Variants in MEIOB observed in about 807,000 individuals in gnomAD.
The protein encoded by MEIOB is meiosis-specific with OB domain-containing protein.
A neutral mutation model predicts 53.1 loss-of-function variants in MEIOB; 50 were observed. The observed-to-expected ratio is 0.94, with a 90% confidence interval of 0.75 to 1.19. The LOEUF is 1.19. Among genes scored for constraint, MEIOB ranks in the 50% most tolerant of loss-of-function variants. MEIOB has a pLI of 0.00. For missense variants in MEIOB, 551 were observed against 550.8 expected (o/e 1.00, Z 0.00); for synonymous variants, 192 against 182.5 (o/e 1.05, Z -0.42).
intron 10 of MEIOB, among the ~76,000 whole-genome samples, chr16:1,844,396 T>A (rs917859096): frequency 6.6e-6 from 1 of 151,756 alleles, no homozygotes; most frequent in African/African-American, 2.4e-5. Context: ...AGTGCTGGGA[T>A]TACAGGCGTG....
chr16:1,854,294 A>G (rs960118127), intron 6 of MEIOB, 94 bp from the exon 7 acceptor site: 3 of 703,388 alleles, frequency 4.3e-6, no homozygotes, highest in African/African-American at 3.6e-5. Flanking sequence ...CCTTTTAAAC[A>G]CCAAATTAGA....
At chr16:1,837,252 T>TA (rs754011708) in intron 13 of MEIOB, among the ~76,000 whole-genome samples, 2 of 150,004 alleles carry the variant, frequency 1.3e-5, no homozygotes, top group Non-Finnish European at 3.0e-5. Flanking sequence ...GGATTAGGAT[T>TA]CAGACCAAAT....
In MEIOB at chr16:1,865,768, A is replaced by G. The variant is rs1477961262; in HGVS notation, c.127+10T>C. On this transcript the variant is annotated intron_variant, in intron 3 of 13. Transcript: ENST00000325962. ...TGAAAAATGAAACCAAGAGTTAAAC[A>G]GAACTCAGCTTTTTCTGTCTGGAAA... 1 of 1,543,396 alleles carries G rather than the reference A, an allele frequency of 6.5e-7. No homozygotes were observed. The highest frequency in any genetic ancestry group is 2.0e-5 in the Admixed American group (1 of 49,454).
At position 1,862,131 on chromosome 16, in the gene MEIOB, A is replaced by T. The variant is rs1199352557; in HGVS notation, c.128-15T>A. ...TGATCCAATATCTAAGGGAAAACCA[A>T]TGCTTTTATTTTTCAAATGAAGAGT... On this transcript the variant is annotated splice_polypyrimidine_tract_variant and intron_variant, in intron 3 of 13. Coordinates refer to ENST00000325962, the MANE Select transcript of MEIOB (RefSeq NM_001163560.3). The T allele has an allele frequency of 7.1e-6, 11 of 1,545,602 alleles. No individual in the cohort carries two copies. Among genetic ancestry groups the T allele is most frequent in the Non-Finnish European group, 9.6e-6 (11 of 1,144,104 alleles).
intron 9 of MEIOB, among the ~76,000 whole-genome samples, chr16:1,850,814 G>A (rs1403214397): frequency 2.7e-5 from 4 of 147,276 alleles, no homozygotes; most frequent in East Asian, 4.2e-4. Context: ...CCAGCTACTC[G>A]GGAGGCTGAG....
intron 9 of MEIOB, among the ~76,000 whole-genome samples, chr16:1,846,751 G>A (rs1476991173): frequency 6.6e-6 from 1 of 152,076 alleles, no homozygotes; most frequent in African/African-American, 2.4e-5. Context: ...GCTGAACAAT[G>A]AGATAACATG....
chr16:1,859,424 A>G (rs895667246), intron 5 of MEIOB, among the ~76,000 whole-genome samples: 21 of 152,064 alleles, frequency 1.4e-4, no homozygotes, highest in African/African-American at 5.1e-4. Context: ...GCCTGTAATC[A>G]CAGCTACTTG....
intron 10 of MEIOB, chr16:1,843,530 C>A (rs1464752164): frequency 2.0e-5 from 3 of 151,774 alleles, no homozygotes; most frequent in Admixed American, 2.0e-4. Flanking sequence ...AAAACCCTGT[C>A]TCTACTAAAA....
chr16:1,866,484 G>T (rs1236238436), intron 2 of MEIOB, among the ~76,000 whole-genome samples: 1 of 152,128 alleles, frequency 6.6e-6, no homozygotes, highest in Non-Finnish European at 1.5e-5. Context: ...ACTCTGGGAG[G>T]CTGAGGCGGG....
chr16:1,853,076 T>G lies in MEIOB; in HGVS notation c.741A>C (p.Ala247=), dbSNP rs1246975983. ...TAATAATGGTTTTTGAGATTACAGT[T>G]GCTGTCATGCAGTTCCGAAATTTGT... is the stretch of plus-strand genomic sequence containing the variant. ...NFDKFRNCMT[A]TVISKTIITT... The change falls in exon 9 of 14, where the codon GCA becomes GCC. Residue 247 remains alanine (A), a synonymous_variant. Transcript: ENST00000325962. 6.2e-7 allele frequency: 1 copy of G among 1,612,838 alleles called. No homozygotes were observed. The highest frequency in any genetic ancestry group is 8.5e-7 in the Non-Finnish European group (1 of 1,179,178).
At chr16:1,870,113 C>T (rs1021384685) in intron 1 of MEIOB, among the ~76,000 whole-genome samples, 4 of 151,996 alleles carry the variant, frequency 2.6e-5, no homozygotes, top group African/African-American at 9.7e-5. Flanking sequence ...ACCTGATGAT[C>T]CACCCGCATC....
chr16:1,863,511 C>T (rs1161945543), intron 3 of MEIOB, among the ~76,000 whole-genome samples: 1 of 151,910 alleles, frequency 6.6e-6, no homozygotes, highest in Non-Finnish European at 1.5e-5. Flanking sequence ...CTCACCCTCC[C>T]AAGTAGCTGG....
In MEIOB at chr16:1,841,826, T is replaced by A. The variant is rs958574426; in HGVS notation, c.1028A>T (p.Asn343Ile). The A allele has an allele frequency of 6.4e-6, 10 of 1,572,722 alleles. No homozygotes were observed. Among genetic ancestry groups the A allele is most frequent in the Non-Finnish European group, 8.6e-6 (10 of 1,161,472 alleles). The change falls in exon 11 of 14, where the codon AAT becomes ATT. Residue 343 changes from asparagine (N) to isoleucine (I), a missense_variant. Asn to Ile is a moderately radical substitution (Grantham distance 149). Coordinates refer to ENST00000325962, the MANE Select transcript of MEIOB (RefSeq NM_001163560.3). ...IDDETTKVVR[N>I]RCSSCGYIVN... ...AAGTGACACGGATCCTTACCATCTA[T>A]TTCGAACTACTTTTGTAGTTTCATC...
chr16:1,839,626 A>C, intron 11 of MEIOB, 188 bp from the exon 12 acceptor site: 1 of 535,000 alleles, frequency 1.9e-6, no homozygotes, highest in Non-Finnish European at 3.2e-6. Flanking sequence ...AGCCATTCTC[A>C]GGAGTCATCT....
chr16:1,864,895 T>C (rs1026843950), intron 3 of MEIOB, among the ~76,000 whole-genome samples: 7 of 152,332 alleles, frequency 4.6e-5, no homozygotes, highest in Admixed American at 1.3e-4. Context: ...AAAGGAGATA[T>C]AGACTTCCTC....
At chr16:1,862,222 G>C in intron 3 of MEIOB, 106 bp from the exon 4 acceptor site, 1 of 830,396 alleles carries the variant, frequency 1.2e-6, no homozygotes, top group Non-Finnish European at 1.8e-6. Flanking sequence ...ATAAACAAAT[G>C]ATTATTTGTT....
rs1248672855 is a variant in MEIOB, at chr16:1,853,136, T to C, written c.683-2A>G. 4 of 1,608,094 alleles carry C rather than the reference T, an allele frequency of 2.5e-6. No individual in the cohort carries two copies. The highest frequency in any genetic ancestry group is 2.2e-5 in the East Asian group (1 of 44,796). On this transcript the variant is annotated splice_acceptor_variant, in intron 8 of 13. Coordinates refer to ENST00000325962, the MANE Select transcript of MEIOB (RefSeq NM_001163560.3). LOFTEE classifies it high-confidence loss of function. ...TTCTTACATCTGAGGCAAATATTAC[T>C]GTTTGGGAAAAAAGCCATTTAAAAT...
In MEIOB at chr16:1,865,441, A is replaced by AAAG. The variant is rs768769591; in HGVS notation, c.127+336_127+337insCTT. Among the ~76,000 whole-genome samples the AAAG allele has an allele frequency of 7.1e-3, 1,077 of 151,390 alleles. 7 individuals are homozygous for AAAG. The highest frequency in any genetic ancestry group is 0.014 in the Middle Eastern group (4 of 294). ...AGCGAGCCTCCATCTCAAAAAAAAA[A>AAAG]AGAGAGAACACATGTACTCAAATAT... On this transcript the variant is annotated intron_variant, in intron 3 of 13. Transcript: ENST00000325962.
At chr16:1,850,133 C>G (rs1178755508) in intron 9 of MEIOB, among the ~76,000 whole-genome samples, 1 of 152,134 alleles carries the variant, frequency 6.6e-6, no homozygotes, top group East Asian at 1.9e-4. Context: ...CCTATAATAT[C>G]TGTCTCATTA....
Sources: gnomAD v4.1 joint callset for allele counts (sites outside exome capture counted in the v4.1 genomes callset) on GRCh38, gnomAD v4.1.1 for gene constraint, MANE v1.5 for transcripts, NCBI Gene and HGNC (gene_info 2026-07-23, HGNC 2026-07-21) for gene names.